PTPRQ: variants seen among roughly 807,000 people sequenced by gnomAD.
PTPRQ encodes protein tyrosine phosphatase receptor type Q.
In PTPRQ, 199 loss-of-function variants were observed where a neutral mutation model predicts 246.0. The observed-to-expected ratio is 0.81, with a 90% confidence interval of 0.72 to 0.91. The LOEUF is 0.91. Among genes scored for constraint, PTPRQ ranks in the 40% least tolerant of loss-of-function variants. PTPRQ has a pLI of 0.00. For missense variants in PTPRQ, 2,624 were observed against 2,528.4 expected, an observed-to-expected ratio of 1.04 and a Z score of -0.81; for synonymous variants, 869 against 853.2, an observed-to-expected ratio of 1.02 and a Z score of -0.32.
intron 37 of PTPRQ, among the ~76,000 whole-genome samples, chr12:80,651,491 G>C (rs10506829): frequency 0.086 from 13,066 of 151,996 alleles, 748 homozygotes; most frequent in South Asian, 0.18. Context: ...ATGCAAAAAC[G>C]GTCTAACTCA....
At chr12:80,660,767 G>T (rs1329233008) in intron 39 of PTPRQ, among the ~76,000 whole-genome samples, 3 of 151,990 alleles carry the variant, frequency 2.0e-5, no homozygotes, top group African/African-American at 4.8e-5. Context: ...AAAGGATATT[G>T]TGTCCCTGAA....
intron 28 of PTPRQ, among the ~76,000 whole-genome samples, chr12:80,613,095 C>A (rs1237178168): frequency 6.7e-6 from 1 of 150,322 alleles, no homozygotes; most frequent in Non-Finnish European, 1.5e-5. Flanking sequence ...AAAAGTATAA[C>A]AAAACATGGA....
intron 22 of PTPRQ, 138 bp downstream of exon 22, chr12:80,542,502 AT>A (rs34864634): frequency 5.5e-4 from 733 of 1,326,640 alleles, no homozygotes; most frequent in South Asian, 8.1e-4. Context: ...TACTTTGTTG[AT>A]TTTTTTTTGC....
chr12:80,623,410 T>A (rs1899071537), intron 33 of PTPRQ, among the ~76,000 whole-genome samples: 1 of 152,316 alleles, frequency 6.6e-6, no homozygotes, highest in Non-Finnish European at 1.5e-5. Flanking sequence ...TTTTACCCAA[T>A]AATTTCATCA....
chr12:80,669,095 G>A lies in PTPRQ; in HGVS notation c.6281G>A (p.Arg2094Lys). The A allele has an allele frequency of 6.4e-7, 1 of 1,550,510 alleles. No homozygotes were observed. Among genetic ancestry groups the A allele is most frequent in the Non-Finnish European group, 8.7e-7 (1 of 1,146,092 alleles). Residue 2094 changes from arginine (R) to lysine (K), a missense_variant, in exon 40 of 45, where the codon AGA becomes AAA. Transcript: ENST00000644991. The part of the protein sequence containing the change: ...GDFWRMVWET[R>K]AKTLVMLTQC... Reference sequence around the variant, plus strand: ...TTTTGGAGAATGGTGTGGGAAACCAGAGCAAAAACATTAGTAATGCTAACA... The same window carrying A: ...TTTTGGAGAATGGTGTGGGAAACCAAAGCAAAAACATTAGTAATGCTAACA...
At chr12:80,598,969 ATGTG>A (rs1217986794) in intron 26 of PTPRQ, among the ~76,000 whole-genome samples, 2 of 152,092 alleles carry the variant, frequency 1.3e-5, no homozygotes, top group African/African-American at 4.8e-5. Context: ...AAGTCTTTGA[ATGTG>A]CTTATTTTAA....
At chr12:80,495,169 A>G (rs1177270137) in intron 11 of PTPRQ, 23 bp from the exon 12 acceptor site, 40 of 1,545,392 alleles carry the variant, frequency 2.6e-5, no homozygotes, top group Non-Finnish European at 3.3e-5. Flanking sequence ...TTTTTCATTC[A>G]TATGTTCATT....
At position 80,613,852 on chromosome 12, in the gene PTPRQ, T is replaced by A. The variant is rs1035171411; in HGVS notation, c.5163+16T>A. Reference sequence around the variant, plus strand: ...CAATATCAGTGTAAGAATCCGTAGCTTCAGTTAATTACCCAAATGACAATG... The same window carrying A: ...CAATATCAGTGTAAGAATCCGTAGCATCAGTTAATTACCCAAATGACAATG... On this transcript the variant is annotated intron_variant, in intron 29 of 44. Coordinates refer to ENST00000644991, the MANE Select transcript of PTPRQ (RefSeq NM_001145026.2). 1 of 1,476,846 alleles carries A rather than the reference T, an allele frequency of 6.8e-7. No individual in the cohort carries two copies. The highest frequency in any genetic ancestry group is 2.5e-5 in the Admixed American group (1 of 39,992). 91.5% of individuals were successfully genotyped at this position (1,476,846 alleles called of 1,614,324 possible).
chr12:80,559,224 T>C (rs1376346778), intron 25 of PTPRQ, among the ~76,000 whole-genome samples: 1 of 152,060 alleles, frequency 6.6e-6, no homozygotes, highest in Non-Finnish European at 1.5e-5. Context: ...TTTTGTATTT[T>C]TAGTAGAGGC....
At chr12:80,465,580 G>C (rs1411951489) in intron 6 of PTPRQ, 1 of 152,198 alleles carries the variant, frequency 6.6e-6, no homozygotes, top group Admixed American at 6.5e-5. Flanking sequence ...CAATATCCTT[G>C]ATGAACATCG....
intron 7 of PTPRQ, among the ~76,000 whole-genome samples, chr12:80,471,669 G>C (rs1471383992): frequency 6.8e-6 from 1 of 147,420 alleles, no homozygotes; most frequent in Admixed American, 6.8e-5. Flanking sequence ...AGTAGAGACG[G>C]GGTTTCACCG....
intron 25 of PTPRQ, among the ~76,000 whole-genome samples, chr12:80,577,030 A>G (rs929749758): frequency 2.0e-5 from 3 of 152,212 alleles, no homozygotes; most frequent in Non-Finnish European, 2.9e-5. Flanking sequence ...CTTTCTAATT[A>G]GTCTTCTAAG....
chr12:80,460,551 A>T, intron 5 of PTPRQ, 102 bp from the exon 6 acceptor site: 1 of 396,374 alleles, frequency 2.5e-6, no homozygotes, highest in African/African-American at 2.1e-5. Flanking sequence ...TTATGTGTGT[A>T]TGTATAGCAT....
intron 25 of PTPRQ, among the ~76,000 whole-genome samples, chr12:80,551,632 G>A (rs369444043): frequency 6.6e-6 from 1 of 152,120 alleles, no homozygotes; most frequent in Admixed American, 6.6e-5. Context: ...CCATGTGTAG[G>A]AGATGGGTTA....
At chr12:80,494,257 A>T (rs906999104) in intron 10 of PTPRQ, among the ~76,000 whole-genome samples, 1 of 152,010 alleles carries the variant, frequency 6.6e-6, no homozygotes. Flanking sequence ...CATTCCCTTA[A>T]ATATTTCAAG....
In PTPRQ at chr12:80,588,365, A is replaced by T. The variant is rs1247176956; in HGVS notation, c.4522A>T (p.Arg1508Ter). 8.4e-6 allele frequency: 13 copies of T among 1,545,436 alleles called. No homozygotes were observed. The highest frequency in any genetic ancestry group is 1.1e-5 in the Non-Finnish European group (13 of 1,143,322). ...GACAGTATATGGATTAAAGAAATTT[A>T]GATGGTATAGATTCCAAGTGGCTGC... The part of the protein sequence containing the change: ...EETVYGLKKF[R>*]WYRFQVAAST... Residue 1508 changes from arginine to a stop codon, truncating the protein, a stop_gained, in exon 26 of 45, where the codon AGA becomes TGA. Coordinates refer to ENST00000644991, the MANE Select transcript of PTPRQ (RefSeq NM_001145026.2). LOFTEE classifies it high-confidence loss of function.
At chr12:80,637,558 T>C (rs1429461429) in intron 35 of PTPRQ, among the ~76,000 whole-genome samples, 1 of 152,212 alleles carries the variant, frequency 6.6e-6, no homozygotes, top group African/African-American at 2.4e-5. Flanking sequence ...GTAATTCCAA[T>C]GGCACATAAT....
chr12:80,670,019 T>C (rs1218703874), intron 41 of PTPRQ, among the ~76,000 whole-genome samples: 1 of 152,098 alleles, frequency 6.6e-6, no homozygotes. Context: ...GAATAATTTG[T>C]GAATGTGTTC....
intron 10 of PTPRQ, among the ~76,000 whole-genome samples, chr12:80,494,445 CTCTT>C (rs1366352752): frequency 2.0e-5 from 3 of 151,966 alleles, no homozygotes; most frequent in African/African-American, 4.8e-5. Context: ...CCAAATAAAA[CTCTT>C]TATTTATTTA....
Sources: allele counts gnomAD v4.1 joint callset (sites outside exome capture counted in the v4.1 genomes callset), GRCh38; gene constraint gnomAD v4.1.1; transcripts MANE v1.5; gene names NCBI Gene and HGNC (gene_info 2026-07-23, HGNC 2026-07-21).